Variants in PCDHGA1 observed in about 807,000 individuals in gnomAD.
PCDHGA1 encodes the protein protocadherin gamma-A1.
In PCDHGA1, 32 loss-of-function variants were observed where a neutral mutation model predicts 58.0. That is an observed-to-expected ratio of 0.55 (90% CI 0.42 to 0.74). The LOEUF (loss-of-function observed/expected upper bound fraction) is 0.74. Ranked by LOEUF, PCDHGA1 falls within the 30% of genes least tolerant of loss-of-function variation. The pLI, the probability that PCDHGA1 is intolerant of heterozygous loss-of-function variation, is 0.00. For synonymous variants in PCDHGA1, 498 were observed against 501.1 expected, an observed-to-expected ratio of 0.99 and a Z score of 0.08; for missense variants, 1,205 against 1,182.3, an observed-to-expected ratio of 1.02 and a Z score of -0.28.
chr5:141,481,619 A>T (rs1303171847), intron 1 of PCDHGA1, among the ~76,000 whole-genome samples: 1 of 152,128 alleles, frequency 6.6e-6, no homozygotes, highest in Non-Finnish European at 1.5e-5. Flanking sequence ...GGAGTTCAAG[A>T]CCGGCCTGGC....
At position 141,333,019 on chromosome 5, in the gene PCDHGA1, C is replaced by G; in HGVS notation, c.2335C>G (p.Leu779Val). 1 of 1,614,190 alleles carries G rather than the reference C, an allele frequency of 6.2e-7. No homozygotes were observed. Among genetic ancestry groups the G allele is most frequent in the South Asian group, 1.1e-5 (1 of 91,082 alleles). Residue 779 changes from leucine to valine, a missense_variant, in exon 1 of 4, where the codon CTC (leucine) becomes GTC (valine). Physicochemically the swap from Leu to Val is conservative, Grantham distance 32. Transcript: ENST00000517417. ...IFPQPNYADT[L>V]ISQESCEKKG... ...CCCCCAGCCCAACTATGCGGACACA[C>G]TCATCAGCCAGGAGAGCTGTGAGAA...
At chr5:141,355,043 A>G in intron 1 of PCDHGA1, 1 of 1,127,008 alleles carries the variant, frequency 8.9e-7, no homozygotes, top group South Asian at 1.9e-5. Flanking sequence ...TTTCTGCAGC[A>G]CAAAGCACTG....
At chr5:141,474,452 G>A (rs1341193950) in intron 1 of PCDHGA1, among the ~76,000 whole-genome samples, 1 of 152,158 alleles carries the variant, frequency 6.6e-6, no homozygotes, top group Non-Finnish European at 1.5e-5. Flanking sequence ...CAAGTGATTG[G>A]GCTATACTCT....
intron 1 of PCDHGA1, chr5:141,419,492 A>G: frequency 6.2e-7 from 1 of 1,612,358 alleles, no homozygotes; most frequent in South Asian, 1.1e-5. Flanking sequence ...GCTCAGCGCC[A>G]ATGTGAGCCT....
intron 1 of PCDHGA1, chr5:141,409,184 T>G: frequency 6.2e-7 from 1 of 1,614,044 alleles, no homozygotes; most frequent in East Asian, 2.2e-5. Context: ...AGGTGGTCTC[T>G]CTACCCAGTG....
In PCDHGA1 at chr5:141,388,167, A is replaced by G. The variant is rs2091267491; in HGVS notation, c.2421+55062A>G. On this transcript the variant is annotated intron_variant, in intron 1 of 3. Coordinates refer to ENST00000517417, the MANE Select transcript of PCDHGA1 (RefSeq NM_018912.3). ...GAGCAGCAGGCTAGACAGGGAGGAG[A>G]TATGCGGGAAGAAGCCAGCTTGTGC... 4.1e-6 allele frequency: 6 copies of G among 1,478,972 alleles called. No individual in the cohort carries two copies. In the African/African-American group the frequency reaches 5.7e-5, roughly 14 times the overall value. 91.6% of individuals were successfully genotyped at this position (1,478,972 alleles called of 1,614,324 possible). A position where few individuals can be genotyped will look rare whatever the true frequency, so the allele number is the denominator to read the frequency against.
At chr5:141,350,380 C>A in intron 1 of PCDHGA1, 1 of 1,589,508 alleles carries the variant, frequency 6.3e-7, no homozygotes, top group Admixed American at 1.7e-5. Flanking sequence ...AGGAGCTAGC[C>A]AACGGCTCAC....
intron 1 of PCDHGA1, chr5:141,372,199 C>T: frequency 9.3e-6 from 15 of 1,613,572 alleles, no homozygotes; most frequent in Non-Finnish European, 1.3e-5. Flanking sequence ...GGATACAACG[C>T]CTGGCTGTCC....
In PCDHGA1 at chr5:141,420,606, G is replaced by A. The variant is rs141099124; in HGVS notation, c.2422-74201G>A. On this transcript the variant is annotated intron_variant, in intron 1 of 3. Coordinates refer to ENST00000517417, the MANE Select transcript of PCDHGA1 (RefSeq NM_018912.3). Reference sequence around the variant, plus strand: ...CCTGATGCTACTCAATTTTTCTCAAGTATTTCATCTTCATTTACTCAATAA... The same window carrying A: ...CCTGATGCTACTCAATTTTTCTCAAATATTTCATCTTCATTTACTCAATAA... Among the ~76,000 whole-genome samples the A allele has an allele frequency of 2.7e-3, 411 of 152,256 alleles. 1 individual carries two copies. Among genetic ancestry groups the A allele is most frequent in the African/African-American group, 9.4e-3 (392 of 41,546 alleles).
chr5:141,413,816 T>A (rs1422730893), intron 1 of PCDHGA1: 1 of 1,613,128 alleles, frequency 6.2e-7, no homozygotes, highest in Non-Finnish European at 8.5e-7. Flanking sequence ...ATTCACCACC[T>A]GGTCCTCACC....
At position 141,486,530 on chromosome 5, in the gene PCDHGA1, C is replaced by T; in HGVS notation, c.2422-8277C>T. 6.2e-7 allele frequency: 1 copy of T among 1,614,174 alleles called. No homozygotes were observed. The highest frequency in any genetic ancestry group is 8.5e-7 in the Non-Finnish European group (1 of 1,180,022). On this transcript the variant is annotated intron_variant, in intron 1 of 3. Transcript: ENST00000517417. The surrounding 1 kb of genome is among the most constrained non-coding windows in gnomAD (Gnocchi z 5.0). Reference sequence around the variant, plus strand: ...TATTTCAGATGTGAATGATAATCCACCCTCTTTCTTTCAGAGGTCACATGA... The same window carrying T: ...TATTTCAGATGTGAATGATAATCCATCCTCTTTCTTTCAGAGGTCACATGA...
chr5:141,432,049 G>T lies in PCDHGA1; in HGVS notation c.2422-62758G>T. The T allele has an allele frequency of 7.4e-6, 12 of 1,614,150 alleles. No individual in the cohort carries two copies. Among genetic ancestry groups the T allele is most frequent in the Non-Finnish European group, 1.0e-5 (12 of 1,180,028 alleles). Reference sequence around the variant, plus strand: ...TGACCGCCACTGACCGGGGAACCCCGCCCCTATCCACGGAAACTCATATCT... The same window carrying T: ...TGACCGCCACTGACCGGGGAACCCCTCCCCTATCCACGGAAACTCATATCT... On this transcript the variant is annotated intron_variant, in intron 1 of 3. Coordinates refer to ENST00000517417, the MANE Select transcript of PCDHGA1 (RefSeq NM_018912.3). The surrounding 1 kb of genome is among the most constrained non-coding windows in gnomAD (Gnocchi z 6.0).
At chr5:141,418,127 A>G in intron 1 of PCDHGA1, 1 of 1,614,104 alleles carries the variant, frequency 6.2e-7, no homozygotes, top group East Asian at 2.2e-5. Flanking sequence ...GAAGGACCGA[A>G]TAGACCGTGA....
chr5:141,492,084 G>A (rs979755390), intron 1 of PCDHGA1, among the ~76,000 whole-genome samples: 1 of 152,236 alleles, frequency 6.6e-6, no homozygotes, highest in Non-Finnish European at 1.5e-5. Flanking sequence ...GCTCCGGCAC[G>A]CTTCGCCGGT....
intron 1 of PCDHGA1, chr5:141,357,533 C>A: frequency 6.2e-7 from 1 of 1,614,194 alleles, no homozygotes; most frequent in Non-Finnish European, 8.5e-7. Flanking sequence ...TATGCAGACA[C>A]GCTCATCAGC....
chr5:141,477,453 A>G lies in PCDHGA1; in HGVS notation c.2422-17354A>G, dbSNP rs886363658. 1 of 1,614,018 alleles carries G rather than the reference A, an allele frequency of 6.2e-7. No homozygotes were observed. Among genetic ancestry groups the G allele is most frequent in the African/African-American group, 1.3e-5 (1 of 74,910 alleles). The stretch of plus-strand genomic sequence containing the variant: ...TCAGCCCTTACAATAGTGCGTGTTC[A>G]AGTGTCCGACATCAATGACAACCCT... On this transcript the variant is annotated intron_variant, in intron 1 of 3. Coordinates refer to ENST00000517417, the MANE Select transcript of PCDHGA1 (RefSeq NM_018912.3). This position sits in a 1 kb window ranked among gnomAD's most constrained non-coding sequence, Gnocchi z 4.9.
chr5:141,354,761 T>C (rs1759626759), intron 1 of PCDHGA1, among the ~76,000 whole-genome samples: 2 of 152,120 alleles, frequency 1.3e-5, no homozygotes, highest in Non-Finnish European at 2.9e-5. Flanking sequence ...GAACACATCT[T>C]AGGAAAAAAA....
chr5:141,457,868 G>T lies in PCDHGA1; in HGVS notation c.2422-36939G>T, dbSNP rs1479066479. ...AAAGTGACATTCTTCACTGACCACA[G>T]GTTAGGAACCCTGTGTGGGGACTGT... On this transcript the variant is annotated intron_variant, in intron 1 of 3. Transcript: ENST00000517417. Among the ~76,000 whole-genome samples the T allele has an allele frequency of 2.0e-5, 3 of 152,346 alleles. No individual in the cohort carries two copies. In the East Asian group the frequency reaches 5.8e-4, roughly 29 times the overall value.
chr5:141,423,868 T>G (rs2154550529), intron 1 of PCDHGA1: 1 of 1,283,788 alleles, frequency 7.8e-7, no homozygotes, highest in East Asian at 3.1e-5. Flanking sequence ...GTGAAAGTCA[T>G]TTTTCAATCT....
Sources: allele counts gnomAD v4.1 joint callset (sites outside exome capture counted in the v4.1 genomes callset), GRCh38; gene constraint gnomAD v4.1.1; non-coding constraint Gnocchi (gnomAD v3.1); transcripts MANE v1.5; gene names NCBI Gene and HGNC (gene_info 2026-07-23, HGNC 2026-07-21).